Variants in SNTB1 observed in about 807,000 individuals in gnomAD.
SNTB1 encodes the protein beta-1-syntrophin.
In SNTB1, 36 loss-of-function variants were observed where a neutral mutation model predicts 48.9. That is an observed-to-expected ratio of 0.74 (90% CI 0.56 to 0.97). SNTB1 has a LOEUF of 0.97. Among genes scored for constraint, SNTB1 ranks in the 50% least tolerant of loss-of-function variants. The pLI, the probability that SNTB1 is intolerant of heterozygous loss-of-function variation, is 0.00. For synonymous variants in SNTB1, 299 were observed against 294.6 expected, an observed-to-expected ratio of 1.01 and a Z score of -0.15; for missense variants, 786 against 703.4, an observed-to-expected ratio of 1.12 and a Z score of -1.33.
chr8:120,603,125 CG>C (rs1816450451), intron 3 of SNTB1, among the ~76,000 whole-genome samples: 1 of 150,404 alleles, frequency 6.6e-6, no homozygotes, highest in Non-Finnish European at 1.5e-5. Flanking sequence ...TTTTTTGAGA[CG>C]GGGTTTCGCT....
intron 1 of SNTB1, among the ~76,000 whole-genome samples, chr8:120,785,478 C>T (rs188995852): frequency 1.3e-5 from 2 of 152,194 alleles, no homozygotes; most frequent in African/African-American, 2.4e-5. Flanking sequence ...CCGATCCCCA[C>T]GCAGATCATT....
At chr8:120,624,026 C>T (rs1245363109) in intron 3 of SNTB1, among the ~76,000 whole-genome samples, 1 of 152,114 alleles carries the variant, frequency 6.6e-6, no homozygotes, top group Non-Finnish European at 1.5e-5. Flanking sequence ...CAACCTCTGC[C>T]TCCGGGGTTG....
At chr8:120,604,899 C>A (rs1816487774) in intron 3 of SNTB1, among the ~76,000 whole-genome samples, 1 of 152,202 alleles carries the variant, frequency 6.6e-6, no homozygotes, top group Non-Finnish European at 1.5e-5. Context: ...GTAAGATGTG[C>A]TGCTTCTTCA....
intron 3 of SNTB1, among the ~76,000 whole-genome samples, chr8:120,608,261 T>C (rs1816558307): frequency 6.6e-6 from 1 of 152,170 alleles, no homozygotes; most frequent in South Asian, 2.1e-4. Flanking sequence ...ACACATCATA[T>C]AGGATTATTA....
At chr8:120,750,787 C>T (rs1819199863) in intron 1 of SNTB1, among the ~76,000 whole-genome samples, 1 of 151,918 alleles carries the variant, frequency 6.6e-6, no homozygotes, top group African/African-American at 2.4e-5. Flanking sequence ...CATGAGGTGT[C>T]AGGTGGAAAA....
intron 4 of SNTB1, among the ~76,000 whole-genome samples, chr8:120,559,326 T>C (rs907940816): frequency 6.6e-6 from 1 of 152,224 alleles, no homozygotes; most frequent in East Asian, 1.9e-4. Context: ...AGAAGTTGCC[T>C]ATTTTTTGAA....
intron 6 of SNTB1, among the ~76,000 whole-genome samples, chr8:120,539,754 A>G (rs554678234): frequency 8.5e-5 from 13 of 152,326 alleles, no homozygotes; most frequent in African/African-American, 2.9e-4. Context: ...TTGGAGAATC[A>G]GAACAACCCG....
At chr8:120,659,758 G>A (rs563690338) in intron 2 of SNTB1, among the ~76,000 whole-genome samples, 1 of 152,190 alleles carries the variant, frequency 6.6e-6, no homozygotes, top group African/African-American at 2.4e-5. Flanking sequence ...CATTTCATAA[G>A]GCTATATGAT....
intron 3 of SNTB1, among the ~76,000 whole-genome samples, chr8:120,610,297 C>T (rs1475779968): frequency 6.6e-6 from 1 of 152,092 alleles, no homozygotes; most frequent in Non-Finnish European, 1.5e-5. Flanking sequence ...CCACTGTGCC[C>T]AGCTAATTTT....
chr8:120,595,787 T>A (rs1371831593), intron 3 of SNTB1, among the ~76,000 whole-genome samples: 1 of 152,160 alleles, frequency 6.6e-6, no homozygotes, highest in Non-Finnish European at 1.5e-5. Flanking sequence ...TTCTCCATGT[T>A]GGTCAGGCTG....
At chr8:120,596,383 CCT>C (rs1381402810) in intron 3 of SNTB1, among the ~76,000 whole-genome samples, 2 of 152,120 alleles carry the variant, frequency 1.3e-5, no homozygotes, top group African/African-American at 4.8e-5. Flanking sequence ...ACTGAGACCT[CCT>C]CTGTTTATTA....
chr8:120,659,452 T>G (rs1587069681), intron 2 of SNTB1, among the ~76,000 whole-genome samples: 1 of 152,200 alleles, frequency 6.6e-6, no homozygotes, highest in African/African-American at 2.4e-5. Context: ...ACTTATAATT[T>G]TAGTTCTCTT....
chr8:120,624,648 A>T (rs1380176953), intron 3 of SNTB1, among the ~76,000 whole-genome samples: 1 of 152,160 alleles, frequency 6.6e-6, no homozygotes, highest in Non-Finnish European at 1.5e-5. Flanking sequence ...AAATATATTC[A>T]TTCCATCCCA....
intron 1 of SNTB1, among the ~76,000 whole-genome samples, chr8:120,724,284 G>T (rs1818717725): frequency 6.6e-6 from 1 of 152,180 alleles, no homozygotes; most frequent in African/African-American, 2.4e-5. Context: ...AGAGCCATGG[G>T]CCCAGGCCTG....
At chr8:120,592,224 C>T (rs986943799) in intron 3 of SNTB1, among the ~76,000 whole-genome samples, 1 of 152,094 alleles carries the variant, frequency 6.6e-6, no homozygotes, top group African/African-American at 2.4e-5. Context: ...CTCTGTCACC[C>T]AGGCTGGAGT....
intron 1 of SNTB1, among the ~76,000 whole-genome samples, chr8:120,708,795 A>C (rs1306571989): frequency 1.3e-5 from 2 of 152,220 alleles, no homozygotes; most frequent in Non-Finnish European, 2.9e-5. Flanking sequence ...GCCCTTAGTA[A>C]ACCAGAAATA....
chr8:120,628,165 A>G (rs1816914647), intron 3 of SNTB1, among the ~76,000 whole-genome samples: 1 of 152,226 alleles, frequency 6.6e-6, no homozygotes, highest in Admixed American at 6.5e-5. Context: ...TACAAGAAAT[A>G]GTTTGCAAAC....
At chr8:120,778,971 C>G (rs1819785284) in intron 1 of SNTB1, among the ~76,000 whole-genome samples, 1 of 152,180 alleles carries the variant, frequency 6.6e-6, no homozygotes, top group African/African-American at 2.4e-5. Context: ...TTTATCCACT[C>G]CATCATTCAT....
chr8:120,794,726 GC>G (rs1820092859), intron 1 of SNTB1, among the ~76,000 whole-genome samples: 1 of 151,768 alleles, frequency 6.6e-6, no homozygotes. Context: ...TTATCCTTTT[GC>G]CCCATTTCTT....
Sources: gnomAD v4.1 joint callset for allele counts (sites outside exome capture counted in the v4.1 genomes callset) on GRCh38, gnomAD v4.1.1 for gene constraint, MANE v1.5 for transcripts, NCBI Gene and HGNC (gene_info 2026-07-23, HGNC 2026-07-21) for gene names.